Variants in CNTNAP2 observed in about 807,000 individuals in gnomAD.
CNTNAP2 encodes contactin associated protein 2, also known as contactin-associated protein-like 2.
CNTNAP2 carries 98 observed loss-of-function variants against 155.2 expected under a neutral mutation model. That is an observed-to-expected ratio of 0.63 (90% CI 0.54 to 0.75). CNTNAP2 has a LOEUF of 0.75. Ranked by LOEUF, CNTNAP2 falls within the 30% of genes least tolerant of loss-of-function variation. CNTNAP2 has a pLI of 0.00. For synonymous variants in CNTNAP2, 651 were observed against 631.2 expected, an observed-to-expected ratio of 1.03 and a Z score of -0.47; for missense variants, 1,727 against 1,688.1, an observed-to-expected ratio of 1.02 and a Z score of -0.40.
chr7:148,329,408 C>G (rs1033134138), intron 21 of CNTNAP2, among the ~76,000 whole-genome samples: 113 of 152,132 alleles, frequency 7.4e-4, no homozygotes, highest in African/African-American at 2.7e-3. Context: ...CACGGACAGC[C>G]CCCTGTGGAC....
In CNTNAP2 at chr7:147,101,277, C is replaced by T. The variant is rs1472190133; in HGVS notation, c.551-6870C>T. Among the ~76,000 whole-genome samples the T allele has an allele frequency of 1.3e-5, 2 of 152,152 alleles. 1 individual carries two copies. The highest frequency in any genetic ancestry group is 2.9e-5 in the Non-Finnish European group (2 of 68,016). On this transcript the variant is annotated intron_variant, in intron 4 of 23. Coordinates refer to ENST00000361727, the MANE Select transcript of CNTNAP2 (RefSeq NM_014141.6). The stretch of plus-strand genomic sequence containing the variant: ...TATTTCAAAAAGGTCTTTCCAGCTT[C>T]TGTGTGATGGTTTTAAGACGGGAGA...
chr7:147,225,784 AAGGAAG>A (rs1295998217), intron 8 of CNTNAP2, among the ~76,000 whole-genome samples: 57 of 128,928 alleles, frequency 4.4e-4, no homozygotes, highest in Non-Finnish European at 6.6e-4. Context: ...GGAAGGAAGG[AAGGAAG>A]GAAGGAAGGA....
intron 13 of CNTNAP2, among the ~76,000 whole-genome samples, chr7:147,772,071 A>G (rs1487317140): frequency 6.6e-6 from 1 of 152,254 alleles, no homozygotes; most frequent in East Asian, 1.9e-4. Flanking sequence ...TATATTTTAG[A>G]TAAGTTCTCT....
At chr7:147,051,184 G>GTATATA (rs10567949) in intron 4 of CNTNAP2, among the ~76,000 whole-genome samples, 20 of 98,482 alleles carry the variant, frequency 2.0e-4, no homozygotes, top group African/African-American at 6.3e-4. Flanking sequence ...ACATATATAT[G>GTATATA]TATATATATA....
At chr7:147,894,961 C>CTTTTTTT (rs1350773023) in intron 13 of CNTNAP2, among the ~76,000 whole-genome samples, 19 of 35,656 alleles carry the variant, frequency 5.3e-4, no homozygotes, top group Non-Finnish European at 5.8e-4. Context: ...TTCTTTCTTT[C>CTTTTTTT]TTTCTTTTTT....
At chr7:147,756,779 G>T (rs1001599271) in intron 13 of CNTNAP2, among the ~76,000 whole-genome samples, 1 of 152,080 alleles carries the variant, frequency 6.6e-6, no homozygotes, top group African/African-American at 2.4e-5. Flanking sequence ...ACCTTTCAGG[G>T]CAATTCCATC....
In CNTNAP2 at chr7:146,407,416, G is replaced by A. The variant is rs771808353; in HGVS notation, c.97+290443G>A. On this transcript the variant is annotated intron_variant, in intron 1 of 23. Transcript: ENST00000361727. ...AACATTCAAGTCTCATGAAATGTAC[G>A]ATTTTACCAACTCAAAATATAAATA... 5.3e-4 allele frequency among the ~76,000 whole-genome samples: 80 copies of A among 152,092 alleles called. 1 individual carries two copies. The highest frequency in any genetic ancestry group is 7.2e-4 in the Admixed American group (11 of 15,262).
chr7:147,890,871 G>C (rs1278717172), intron 13 of CNTNAP2, among the ~76,000 whole-genome samples: 2 of 152,140 alleles, frequency 1.3e-5, no homozygotes, highest in East Asian at 3.9e-4. Flanking sequence ...AAGTTCAAGA[G>C]ATCTATTGTA....
At chr7:148,205,486 A>C (rs1795435544) in intron 18 of CNTNAP2, among the ~76,000 whole-genome samples, 1 of 152,270 alleles carries the variant, frequency 6.6e-6, no homozygotes, top group South Asian at 2.1e-4. Flanking sequence ...ACTATGTTGC[A>C]GTTTACTAAA....
At chr7:146,498,040 A>C (rs1208922936) in intron 1 of CNTNAP2, among the ~76,000 whole-genome samples, 1 of 152,104 alleles carries the variant, frequency 6.6e-6, no homozygotes, top group Non-Finnish European at 1.5e-5. Context: ...TTAGTAAGAG[A>C]AGTTAAAGGT....
intron 3 of CNTNAP2, among the ~76,000 whole-genome samples, chr7:147,023,926 A>G (rs1459702943): frequency 1.3e-5 from 2 of 152,222 alleles, no homozygotes; most frequent in African/African-American, 2.4e-5. Context: ...CAAGCTGGCA[A>G]TAAGTTACTG....
intron 12 of CNTNAP2, among the ~76,000 whole-genome samples, chr7:147,637,759 G>A (rs1329278962): frequency 2.0e-5 from 3 of 152,012 alleles, no homozygotes; most frequent in East Asian, 1.9e-4. Flanking sequence ...AGTACATTAC[G>A]TGTAACATTG....
At chr7:147,213,782 G>A (rs1055935097) in intron 8 of CNTNAP2, among the ~76,000 whole-genome samples, 5 of 152,082 alleles carry the variant, frequency 3.3e-5, no homozygotes, top group Admixed American at 3.3e-4. Context: ...CAGGAACTAG[G>A]GAAACCTATG....
At chr7:147,434,902 A>G (rs898365013) in intron 10 of CNTNAP2, among the ~76,000 whole-genome samples, 9 of 152,014 alleles carry the variant, frequency 5.9e-5, no homozygotes, top group African/African-American at 1.9e-4. Flanking sequence ...CTCTGTTTCA[A>G]CTCTCATGCC....
chr7:147,030,574 C>T lies in CNTNAP2; in HGVS notation c.403-13333C>T, dbSNP rs1267550232. On this transcript the variant is annotated intron_variant, in intron 3 of 23. Transcript: ENST00000361727. ...ATTTAACGGTAAAGTTCTTTTTCCC[C>T]AATATCTTCTTATTTCCTGTTCCAC... Among the ~76,000 whole-genome samples, 8 of 152,132 alleles carry T rather than the reference C, an allele frequency of 5.3e-5. No individual in the cohort carries two copies. The East Asian group carries it at 1.4e-3, about 26-fold the overall frequency.
At chr7:146,660,131 G>A (rs1242963795) in intron 1 of CNTNAP2, among the ~76,000 whole-genome samples, 1 of 152,164 alleles carries the variant, frequency 6.6e-6, no homozygotes, top group Non-Finnish European at 1.5e-5. Flanking sequence ...AGACTTGAAT[G>A]GTAATAAGGG....
intron 21 of CNTNAP2, among the ~76,000 whole-genome samples, chr7:148,372,649 C>T (rs534223048): frequency 2.0e-5 from 3 of 152,006 alleles, no homozygotes; most frequent in African/African-American, 4.8e-5. Context: ...CAGAGGTTAC[C>T]GTGAGCCGAG....
rs1169485919 is a variant in CNTNAP2 at position 146,436,784 on chromosome 7, A to T, written c.97+319811A>T. ...ACAATAGCAAGTGCTTGGTGTATAA[A>T]CTCTATGGAACATTAACTATAAACA... On this transcript the variant is annotated intron_variant, in intron 1 of 23. Transcript: ENST00000361727. 2.6e-5 allele frequency among the ~76,000 whole-genome samples: 4 copies of T among 151,802 alleles called. No homozygotes were observed. In the South Asian group the frequency reaches 8.3e-4, roughly 31 times the overall value.
chr7:147,076,889 T>A (rs878963451), intron 4 of CNTNAP2, among the ~76,000 whole-genome samples: 3 of 152,198 alleles, frequency 2.0e-5, no homozygotes, highest in Non-Finnish European at 4.4e-5. Context: ...CTATTTGCAT[T>A]TTAAAATAGC....
Sources: allele counts gnomAD v4.1 joint callset (sites outside exome capture counted in the v4.1 genomes callset), GRCh38; gene constraint gnomAD v4.1.1; transcripts MANE v1.5; gene names NCBI Gene and HGNC (gene_info 2026-07-23, HGNC 2026-07-21).